Variants in RTN4RL2 observed in about 807,000 individuals in gnomAD.
RTN4RL2 encodes reticulon 4 receptor like 2, also known as reticulon-4 receptor-like 2.
RTN4RL2 carries 9 observed loss-of-function variants against 27.8 expected under a neutral mutation model. The ratio of observed to expected loss-of-function variants is 0.32; its 90% CI spans 0.20 to 0.57. RTN4RL2 has a LOEUF of 0.57. RTN4RL2 is among the 20% of genes least tolerant of loss of function. The pLI, the probability that RTN4RL2 is intolerant of heterozygous loss-of-function variation, is 0.90. For synonymous variants in RTN4RL2, 285 were observed against 297.9 expected (o/e 0.96, Z 0.45); for missense variants, 436 against 596.8 (o/e 0.73, Z 2.81).
chr11:57,474,567 C>A (rs1193867065), intron 2 of RTN4RL2, among the ~76,000 whole-genome samples: 3 of 152,296 alleles, frequency 2.0e-5, no homozygotes, highest in Non-Finnish European at 2.9e-5. Flanking sequence ...CCTCCTGGAA[C>A]CTGCTGACCA....
At position 57,476,107 on chromosome 11, in the gene RTN4RL2, T is replaced by A; in HGVS notation, c.514-55T>A. On this transcript the variant is annotated intron_variant, in intron 2 of 2. Coordinates refer to ENST00000335099, the MANE Select transcript of RTN4RL2 (RefSeq NM_178570.3). This position sits in a 1 kb window ranked among gnomAD's most constrained non-coding sequence, Gnocchi z 8.2. ...CCCCGGCCAAGGCCCCAGCGGGGTC[T>A]GCACCCTACCTCAGGCCCATTCTCT... 1 of 1,544,646 alleles carries A rather than the reference T, an allele frequency of 6.5e-7. No individual in the cohort carries two copies.
intron 1 of RTN4RL2, among the ~76,000 whole-genome samples, chr11:57,463,515 AACTC>A: frequency 6.6e-6 from 1 of 152,076 alleles, no homozygotes; most frequent in Admixed American, 6.5e-5. Flanking sequence ...GGTGCTCAGA[AACTC>A]ACACTTCCCC....
rs1260319344 is a variant in RTN4RL2, at chr11:57,477,269, C to A, written c.*358C>A. The A allele has an allele frequency of 4.7e-6, 1 of 214,762 alleles. No homozygotes were observed. Among genetic ancestry groups the A allele is most frequent in the Admixed American group, 5.9e-5 (1 of 16,976 alleles). 13.3% of individuals were successfully genotyped at this position (214,762 alleles called of 1,614,324 possible). A position where few individuals can be genotyped will look rare whatever the true frequency, so the allele number is the denominator to read the frequency against. On this transcript the variant is annotated 3_prime_UTR_variant, in exon 3 of 3. Coordinates refer to ENST00000335099, the MANE Select transcript of RTN4RL2 (RefSeq NM_178570.3). ...CTTTTGTCTGCAGAGCGTCTTCCAC[C>A]AGCAGAGCCTTTGGAAGCTCCCCCA...
intron 1 of RTN4RL2, among the ~76,000 whole-genome samples, chr11:57,466,172 T>A (rs1454306057): frequency 6.6e-6 from 1 of 151,830 alleles, no homozygotes; most frequent in Non-Finnish European, 1.5e-5. Context: ...GGCTAAATTT[T>A]TTTTTTGTAT....
intron 2 of RTN4RL2, among the ~76,000 whole-genome samples, chr11:57,469,824 C>T (rs1393583872): frequency 6.6e-6 from 1 of 152,174 alleles, no homozygotes; most frequent in African/African-American, 2.4e-5. Context: ...ATTTTCACCT[C>T]CTTGTTAACA....
Position 57,476,920 on chromosome 11 carries a change from C to A in RTN4RL2, c.*9C>A. 1 of 1,556,294 alleles carries A rather than the reference C, an allele frequency of 6.4e-7. No individual in the cohort carries two copies. Among genetic ancestry groups the A allele is most frequent in the Admixed American group, 1.8e-5 (1 of 54,650 alleles). ...TGCCCCACCACCTCTGACTGCGGTGCTGAGATCGAAGAGGCCAGTGTCCGA... is the reference window on the plus strand; with the variant it reads ...TGCCCCACCACCTCTGACTGCGGTGATGAGATCGAAGAGGCCAGTGTCCGA... On this transcript the variant is annotated 3_prime_UTR_variant, in exon 3 of 3. Transcript: ENST00000335099. The surrounding 1 kb of genome is among the most constrained non-coding windows in gnomAD (Gnocchi z 8.2).
intron 2 of RTN4RL2, 55 bp downstream of exon 2, chr11:57,468,145 G>A: frequency 6.5e-7 from 1 of 1,531,520 alleles, no homozygotes; most frequent in Non-Finnish European, 8.7e-7. Flanking sequence ...CTCTCTGTGG[G>A]CCCCTCTGCT....
chr11:57,463,813 C>A (rs1028470996), intron 1 of RTN4RL2, among the ~76,000 whole-genome samples: 1 of 151,664 alleles, frequency 6.6e-6, no homozygotes, highest in East Asian at 1.9e-4. Context: ...GGACTGAGGG[C>A]GGGGGAGAGA....
chr11:57,472,845 C>G (rs1451956783), intron 2 of RTN4RL2, among the ~76,000 whole-genome samples: 1 of 152,198 alleles, frequency 6.6e-6, no homozygotes. Flanking sequence ...GGAACATGAC[C>G]TAGAATTGGC....
chr11:57,464,421 G>T (rs1295420755), intron 1 of RTN4RL2, among the ~76,000 whole-genome samples: 2 of 152,352 alleles, frequency 1.3e-5, no homozygotes, highest in African/African-American at 4.8e-5. Flanking sequence ...CCAGGGGCTA[G>T]CGGCCATCAG....
chr11:57,462,444 C>A (rs1052203622), intron 1 of RTN4RL2, among the ~76,000 whole-genome samples: 5 of 152,164 alleles, frequency 3.3e-5, no homozygotes, highest in Admixed American at 2.6e-4. Context: ...CGTCTGGGAC[C>A]CTGTGCCCCT....
intron 2 of RTN4RL2, among the ~76,000 whole-genome samples, chr11:57,473,220 T>C (rs568153850): frequency 2.0e-4 from 30 of 152,104 alleles, no homozygotes; most frequent in Non-Finnish European, 3.5e-4. Context: ...ATGAGGCACA[T>C]CCCAGAACTC....
intron 2 of RTN4RL2, 56 bp downstream of exon 2, chr11:57,468,146 C>T: frequency 1.3e-6 from 2 of 1,523,376 alleles, no homozygotes; most frequent in Non-Finnish European, 1.8e-6. Flanking sequence ...TCTCTGTGGG[C>T]CCCTCTGCTC....
At position 57,477,116 on chromosome 11, in the gene RTN4RL2, G is replaced by A. The variant is rs1943603519; in HGVS notation, c.*205G>A. 3.9e-6 allele frequency: 2 copies of A among 509,846 alleles called. No individual in the cohort carries two copies. The highest frequency in any genetic ancestry group is 6.7e-6 in the Non-Finnish European group (2 of 296,650). 31.6% of individuals were successfully genotyped at this position (509,846 alleles called of 1,614,324 possible). A position where few individuals can be genotyped will look rare whatever the true frequency, so the allele number is the denominator to read the frequency against. ...ACTTGTGGCAGCCCCAAGAGGGCGTGTGTGGTGGCTCAGCCCTGCCCTCCC... is the reference window on the plus strand; with the variant it reads ...ACTTGTGGCAGCCCCAAGAGGGCGTATGTGGTGGCTCAGCCCTGCCCTCCC... On this transcript the variant is annotated 3_prime_UTR_variant, in exon 3 of 3. Coordinates refer to ENST00000335099, the MANE Select transcript of RTN4RL2 (RefSeq NM_178570.3).
At position 57,476,387 on chromosome 11, in the gene RTN4RL2, C is replaced by G. The variant is rs1943595723; in HGVS notation, c.739C>G (p.Leu247Val). 1 of 1,606,292 alleles carries G rather than the reference C, an allele frequency of 6.2e-7. No homozygotes were observed. Among genetic ancestry groups the G allele is most frequent in the Non-Finnish European group, 8.5e-7 (1 of 1,179,038 alleles). Residue 247 changes from leucine (L) to valine (V), a missense_variant, in exon 3 of 3, where the codon CTC becomes GTC. Around this residue, in one of 3 missense-constraint regions of RTN4RL2, gnomAD observed 365 missense variants for 530.5 expected, o/e 0.69. Transcript: ENST00000335099. This position sits in a 1 kb window ranked among gnomAD's most constrained non-coding sequence, Gnocchi z 8.2. ...NSLASLPGEA[L>V]ADLPSLEFLR... ...CCTGGCCTCGCTGCCCGGCGAGGCG[C>G]TCGCCGACCTGCCCTCGCTCGAGTT...
At chr11:57,474,647 T>C (rs1943585934) in intron 2 of RTN4RL2, among the ~76,000 whole-genome samples, 1 of 152,194 alleles carries the variant, frequency 6.6e-6, no homozygotes, top group African/African-American at 2.4e-5. Flanking sequence ...CCTGCTTCCC[T>C]CTCTGGCAAG....
intron 1 of RTN4RL2, 48 bp downstream of exon 1, chr11:57,460,944 G>T: frequency 7.9e-7 from 1 of 1,259,294 alleles, no homozygotes; most frequent in Non-Finnish European, 1.0e-6. Flanking sequence ...GGGGAGAGAA[G>T]CAGGGCGTCC....
At chr11:57,475,548 A>T (rs554660031) in intron 2 of RTN4RL2, among the ~76,000 whole-genome samples, 2 of 144,592 alleles carry the variant, frequency 1.4e-5, no homozygotes, top group South Asian at 2.2e-4. Context: ...AACAAAAATT[A>T]AAAAAAAAAA....
At chr11:57,461,117 T>C (rs923783241) in intron 1 of RTN4RL2, among the ~76,000 whole-genome samples, 3 of 151,580 alleles carry the variant, frequency 2.0e-5, no homozygotes, top group Non-Finnish European at 4.4e-5. Context: ...GTGACCGAGG[T>C]GGGACGCAGG....
Sources: allele counts gnomAD v4.1 joint callset (sites outside exome capture counted in the v4.1 genomes callset), GRCh38; gene constraint gnomAD v4.1.1; regional missense constraint gnomAD v4.1.1; non-coding constraint Gnocchi (gnomAD v3.1); transcripts MANE v1.5; gene names NCBI Gene and HGNC (gene_info 2026-07-23, HGNC 2026-07-21).